B3GAT2: variants seen among roughly 807,000 people sequenced by gnomAD.
B3GAT2 encodes the protein beta-1,3-glucuronyltransferase 2, also known as galactosylgalactosylxylosylprotein 3-beta-glucuronosyltransferase 2.
Under a neutral mutation model 27.8 loss-of-function variants are expected in B3GAT2, and 26 were observed. That is an observed-to-expected ratio of 0.93 (90% confidence interval 0.68 to 1.30). B3GAT2 has a LOEUF of 1.30. B3GAT2 is among the 50% of genes most tolerant of loss of function. The pLI is 0.00. For synonymous variants in B3GAT2, 218 were observed against 195.1 expected (o/e 1.12, Z -0.98); for missense variants, 458 against 459.0 (o/e 1.00, Z 0.02).
At chr6:70,937,703 C>T (rs1338871812) in intron 1 of B3GAT2, among the ~76,000 whole-genome samples, 10 of 151,404 alleles carry the variant, frequency 6.6e-5, no homozygotes, top group South Asian at 2.1e-4. Flanking sequence ...AATTCAACAA[C>T]GCTTCATGCT....
At chr6:70,941,955 G>C (rs1765399320) in intron 1 of B3GAT2, among the ~76,000 whole-genome samples, 1 of 152,036 alleles carries the variant, frequency 6.6e-6, no homozygotes, top group Admixed American at 6.6e-5. Context: ...TGTGATATCA[G>C]GTGCTCTAAA....
At chr6:70,879,169 T>C (rs1014887369) in intron 2 of B3GAT2, among the ~76,000 whole-genome samples, 4 of 150,780 alleles carry the variant, frequency 2.7e-5, no homozygotes, top group Admixed American at 1.3e-4. Flanking sequence ...GCTAAAGCGC[T>C]TTCCTTAAGT....
At chr6:70,946,015 C>A (rs2150051291) in intron 1 of B3GAT2, among the ~76,000 whole-genome samples, 1 of 152,050 alleles carries the variant, frequency 6.6e-6, no homozygotes, top group East Asian at 1.9e-4. Flanking sequence ...TACAGACAAG[C>A]AAATGCTGAG....
chr6:70,927,759 C>T (rs1255600895), intron 1 of B3GAT2, among the ~76,000 whole-genome samples: 1 of 152,198 alleles, frequency 6.6e-6, no homozygotes. Context: ...TAACACTCCA[C>T]TGTCAATATT....
intron 2 of B3GAT2, among the ~76,000 whole-genome samples, chr6:70,871,786 G>T (rs907893294): frequency 6.6e-6 from 1 of 151,708 alleles, no homozygotes; most frequent in African/African-American, 2.4e-5. Context: ...ATGGCAGAAG[G>T]TTAGGTTATT....
rs1466112177 is a variant in B3GAT2, at chr6:70,956,552, G to A, written c.-123C>T. 26 of 1,493,058 alleles carry A rather than the reference G, an allele frequency of 1.7e-5. No individual in the cohort carries two copies. Among genetic ancestry groups the A allele is most frequent in the Non-Finnish European group, 2.0e-5 (22 of 1,125,300 alleles). The allele number at this position is 1,493,058 out of a possible 1,614,324, so 92.5% of individuals were successfully genotyped here. On this transcript the variant is annotated 5_prime_UTR_variant, in exon 1 of 4. Transcript: ENST00000230053. ...TGGTGATGGGTGCGCTGTCCATGGG[G>A]CCGAGGGCGCTGCAGAGACCTGGAG... is the stretch of plus-strand genomic sequence containing the variant.
intron 2 of B3GAT2, among the ~76,000 whole-genome samples, chr6:70,875,465 T>C (rs1437286384): frequency 1.3e-5 from 2 of 152,210 alleles, no homozygotes; most frequent in Non-Finnish European, 2.9e-5. Flanking sequence ...TGCCACTGTT[T>C]CCTGCAAGTG....
chr6:70,956,356 A>T lies in B3GAT2; in HGVS notation c.74T>A (p.Val25Glu), dbSNP rs751938366. 1.3e-6 allele frequency: 2 copies of T among 1,565,824 alleles called. No homozygotes were observed. The highest frequency in any genetic ancestry group is 1.7e-6 in the Non-Finnish European group (2 of 1,154,624). ...CGGGGGCACTGGCCTGCGCGTGTCC[A>T]CGTCGAGCATGATGATGACAATTAG... Reference protein sequence around the residue: ...WILIVIIMLDVDTRRPVPPLT... With the variant: ...WILIVIIMLDEDTRRPVPPLT... The change falls in exon 1 of 4, where the codon GTG (valine) becomes GAG (glutamate). Residue 25 changes from valine to glutamate, a missense_variant. Transcript: ENST00000230053.
intron 3 of B3GAT2, 28 bp downstream of exon 3, chr6:70,861,801 AG>A (rs1771744518): frequency 1.2e-6 from 2 of 1,613,918 alleles, no homozygotes. Flanking sequence ...GTGACACTCG[AG>A]GTCGGGCAGC....
At chr6:70,948,828 A>G (rs1765533333) in intron 1 of B3GAT2, among the ~76,000 whole-genome samples, 1 of 152,248 alleles carries the variant, frequency 6.6e-6, no homozygotes, top group Admixed American at 6.5e-5. Flanking sequence ...CTGACTTCAA[A>G]CTATACTACA....
chr6:70,863,313 A>G (rs1460561546), intron 2 of B3GAT2, among the ~76,000 whole-genome samples: 1 of 152,222 alleles, frequency 6.6e-6, no homozygotes, highest in East Asian at 1.9e-4. Flanking sequence ...CACAACCACC[A>G]TCCTCTCCAG....
At position 70,858,224 on chromosome 6, in the gene B3GAT2, T is replaced by C. The variant is rs776481870; in HGVS notation, c.*3439A>G. The C allele has an allele frequency of 3.2e-6, 5 of 1,583,562 alleles. No homozygotes were observed. Among genetic ancestry groups the C allele is most frequent in the Non-Finnish European group, 4.3e-6 (5 of 1,162,120 alleles). ...AGCTCAGCAGCCCCAGTGGAGCCTC[T>C]CACAGGTAGGGGTCATTTACTTTCT... is the stretch of plus-strand genomic sequence containing the variant. On this transcript the variant is annotated 3_prime_UTR_variant, in exon 4 of 4. Coordinates refer to ENST00000230053, the MANE Select transcript of B3GAT2 (RefSeq NM_080742.3).
At chr6:70,888,316 A>C (rs1350629778) in intron 2 of B3GAT2, among the ~76,000 whole-genome samples, 2 of 151,886 alleles carry the variant, frequency 1.3e-5, no homozygotes, top group Non-Finnish European at 2.9e-5. Flanking sequence ...ACATCACTGT[A>C]TTTTCTACAC....
intron 1 of B3GAT2, among the ~76,000 whole-genome samples, chr6:70,916,308 G>A (rs893914292): frequency 2.6e-5 from 4 of 152,094 alleles, no homozygotes; most frequent in Non-Finnish European, 4.4e-5. Flanking sequence ...GAGCTGAGAC[G>A]ATGAGGTTTT....
chr6:70,898,411 T>G (rs1772430423), intron 1 of B3GAT2, among the ~76,000 whole-genome samples: 1 of 152,112 alleles, frequency 6.6e-6, no homozygotes, highest in South Asian at 2.1e-4. Context: ...CCCAACTCAC[T>G]CCAGCTTCAG....
chr6:70,955,152 A>G (rs2150054684), intron 1 of B3GAT2, among the ~76,000 whole-genome samples: 1 of 142,066 alleles, frequency 7.0e-6, no homozygotes, highest in South Asian at 2.2e-4. Context: ...AGAACAGTTT[A>G]TTTTCCAGAA....
Position 70,857,940 on chromosome 6 carries a change from C to G in B3GAT2, c.*3723G>C, listed in dbSNP as rs1281126933. On this transcript the variant is annotated 3_prime_UTR_variant, in exon 4 of 4. Transcript: ENST00000230053. ...GGTGCAGGTGTATTTATGGGACCCA[C>G]AAATATACCATTTACCTCACAAGCA... is the stretch of plus-strand genomic sequence containing the variant. 1.9e-6 allele frequency: 3 copies of G among 1,614,032 alleles called. No homozygotes were observed. The highest frequency in any genetic ancestry group is 2.5e-6 in the Non-Finnish European group (3 of 1,179,962).
chr6:70,856,783 T>C lies in B3GAT2; in HGVS notation c.*4880A>G, dbSNP rs1479239538. 7.1e-6 allele frequency: 10 copies of C among 1,406,884 alleles called. No homozygotes were observed. Among genetic ancestry groups the C allele is most frequent in the Admixed American group, 2.4e-5 (1 of 42,308 alleles). 87.2% of individuals were successfully genotyped at this position (1,406,884 alleles called of 1,614,324 possible). ...TGATTCCTATCTAATTTTATAACTT[T>C]ATTTGGATTTTAAGTAATGGATAAG... On this transcript the variant is annotated 3_prime_UTR_variant, in exon 4 of 4. Transcript: ENST00000230053.
intron 1 of B3GAT2, among the ~76,000 whole-genome samples, chr6:70,915,590 T>C (rs987641118): frequency 6.6e-6 from 1 of 152,188 alleles, no homozygotes; most frequent in Non-Finnish European, 1.5e-5. Flanking sequence ...GTATAAGGTG[T>C]AAGGAAGGGA....
Sources: allele counts gnomAD v4.1 joint callset (sites outside exome capture counted in the v4.1 genomes callset), GRCh38; gene constraint gnomAD v4.1.1; transcripts MANE v1.5; gene names NCBI Gene and HGNC (gene_info 2026-07-23, HGNC 2026-07-21).